Variants in RELN observed in about 807,000 individuals in gnomAD.
The protein encoded by RELN is reelin.
A neutral mutation model predicts 427.6 loss-of-function variants in RELN; 108 were observed. That is an observed-to-expected ratio of 0.25 (90% CI 0.22 to 0.30). RELN has a LOEUF of 0.30. RELN is among the 10% of genes least tolerant of loss of function. The pLI, the probability that RELN is intolerant of heterozygous loss-of-function variation, is 1.00. For synonymous variants in RELN, 1,524 were observed against 1,513.4 expected (o/e 1.01, Z -0.16); for missense variants, 3,715 against 4,302.8 (o/e 0.86, Z 3.82).
intron 3 of RELN, among the ~76,000 whole-genome samples, chr7:103,817,694 C>T (rs1005862889): frequency 3.9e-5 from 6 of 151,960 alleles, no homozygotes; most frequent in Admixed American, 3.9e-4. Flanking sequence ...TGCCTGTAAT[C>T]CCAGCACTTT....
In RELN at chr7:103,989,264, G is replaced by T; in HGVS notation, c.93C>A (p.Pro31=). ...ACAGGAAAAAGAAGGGCGAAAAGCG[G>T]GGGTAATAGCCAGCCGCCGCGCGCG... The part of the protein sequence containing the change: ...LRARAAAGYY[P]RFSPFFFLCT... The change falls in exon 1 of 65, where the codon CCC becomes CCA. Residue 31 remains proline (P), a synonymous_variant. Coordinates refer to ENST00000428762, the MANE Select transcript of RELN (RefSeq NM_005045.4). This position sits in a 1 kb window ranked among gnomAD's most constrained non-coding sequence, Gnocchi z 4.9. The T allele has an allele frequency of 6.2e-7, 1 of 1,613,802 alleles. No individual in the cohort carries two copies. The highest frequency in any genetic ancestry group is 8.5e-7 in the Non-Finnish European group (1 of 1,179,946).
chr7:103,562,042 C>A, intron 34 of RELN, 89 bp from the exon 35 acceptor site: 1 of 1,464,404 alleles, frequency 6.8e-7, no homozygotes, highest in South Asian at 1.2e-5. Flanking sequence ...TCCCTTTTCT[C>A]TTTAAAGTGC....
intron 3 of RELN, among the ~76,000 whole-genome samples, chr7:103,789,769 A>G (rs1005538155): frequency 2.0e-5 from 3 of 152,290 alleles, no homozygotes; most frequent in African/African-American, 7.2e-5. Flanking sequence ...GTAGAAGACA[A>G]TGTGGTGATT....
At chr7:103,813,017 T>C (rs1350922070) in intron 3 of RELN, among the ~76,000 whole-genome samples, 1 of 152,212 alleles carries the variant, frequency 6.6e-6, no homozygotes, top group Non-Finnish European at 1.5e-5. Flanking sequence ...TTATTCTTCA[T>C]CGGTTTTTTG....
At chr7:103,525,207 A>T (rs1457683569) in intron 46 of RELN, among the ~76,000 whole-genome samples, 1 of 152,126 alleles carries the variant, frequency 6.6e-6, no homozygotes, top group Non-Finnish European at 1.5e-5. Context: ...GTCCTCACAG[A>T]GAAATTTTCT....
chr7:103,912,579 T>G (rs181824147), intron 2 of RELN, among the ~76,000 whole-genome samples: 53 of 152,148 alleles, frequency 3.5e-4, no homozygotes, highest in African/African-American at 1.3e-3. Flanking sequence ...AGAGTTTAAG[T>G]AAAAAAGTGC....
intron 8 of RELN, among the ~76,000 whole-genome samples, chr7:103,709,493 A>C (rs1253360763): frequency 3.3e-5 from 5 of 152,234 alleles, no homozygotes; most frequent in East Asian, 1.9e-4. Flanking sequence ...CTCATGGTTC[A>C]TTGTTGTTAC....
Position 103,539,304 on chromosome 7 carries a change from A to G in RELN, c.6954T>C (p.Ser2318=), listed in dbSNP as rs757492543. ...AATCATCTTCCAAGACCGTATTACC[A>G]GAAATATTTCCTCCAATAAGAATCT... is the stretch of plus-strand genomic sequence containing the variant. ...IDQILIGGNI[S]GNTVLEDDFT... The change falls in exon 45 of 65, where the codon TCT becomes TCC. Residue 2318 remains serine, a synonymous_variant. Transcript: ENST00000428762. 4 of 1,614,160 alleles carry G rather than the reference A, an allele frequency of 2.5e-6. No homozygotes were observed. The highest frequency in any genetic ancestry group is 2.2e-5 in the East Asian group (1 of 44,894).
At chr7:103,589,499 G>A (rs934444468) in intron 28 of RELN, 97 bp downstream of exon 28, 20 of 804,702 alleles carry the variant, frequency 2.5e-5, no homozygotes, top group African/African-American at 6.8e-5. Flanking sequence ...TTGTATTTTC[G>A]GGGTTTTGAT....
chr7:103,760,764 C>T (rs1299789156), intron 4 of RELN, among the ~76,000 whole-genome samples: 1 of 152,132 alleles, frequency 6.6e-6, no homozygotes, highest in East Asian at 1.9e-4. Context: ...GTAGTTTTGC[C>T]TCAGGTATCT....
At position 103,724,107 on chromosome 7, in the gene RELN, G is replaced by A. The variant is rs80269240; in HGVS notation, c.754-916C>T. On this transcript the variant is annotated intron_variant, in intron 7 of 64. Transcript: ENST00000428762. ...TATAGGACATTTCAGTTACTCCACCGTATGCAATAGAAAGTGGATAAGTCT... is the reference window on the plus strand; with the variant it reads ...TATAGGACATTTCAGTTACTCCACCATATGCAATAGAAAGTGGATAAGTCT... 8.9e-3 allele frequency among the ~76,000 whole-genome samples: 1,352 copies of A among 152,026 alleles called. 26 individuals carry two copies. Among genetic ancestry groups the A allele is most frequent in the African/African-American group, 0.032 (1,309 of 41,468 alleles).
chr7:103,744,275 G>T (rs1790754754), intron 6 of RELN, among the ~76,000 whole-genome samples: 2 of 151,556 alleles, frequency 1.3e-5, no homozygotes, highest in Non-Finnish European at 2.9e-5. Flanking sequence ...TGTGTAGATG[G>T]AAATTTATAG....
intron 2 of RELN, among the ~76,000 whole-genome samples, chr7:103,882,481 A>ATT (rs1794629712): frequency 6.6e-6 from 1 of 151,940 alleles, no homozygotes; most frequent in Admixed American, 6.6e-5. Flanking sequence ...TTTTGTATTT[A>ATT]TCCTGTCCTT....
intron 10 of RELN, among the ~76,000 whole-genome samples, chr7:103,692,415 A>G (rs1833890839): frequency 6.6e-6 from 1 of 152,108 alleles, no homozygotes; most frequent in African/African-American, 2.4e-5. Context: ...ATGCCAGCTC[A>G]CAATAATACC....
intron 28 of RELN, among the ~76,000 whole-genome samples, chr7:103,587,206 A>G (rs1339845696): frequency 6.6e-6 from 1 of 152,192 alleles, no homozygotes; most frequent in East Asian, 1.9e-4. Flanking sequence ...AACAGAATAG[A>G]TAATCCAGAA....
At chr7:103,764,011 T>A (rs552137260) in intron 4 of RELN, among the ~76,000 whole-genome samples, 15 of 152,150 alleles carry the variant, frequency 9.9e-5, no homozygotes, top group African/African-American at 3.4e-4. Flanking sequence ...AGCAAAGAAA[T>A]GTGTTACCTA....
chr7:103,862,409 T>TTCGTTCTATCTA lies in RELN; in HGVS notation c.338-28738_338-28737insTAGATAGAACGA, dbSNP rs57691471. The stretch of plus-strand genomic sequence containing the variant: ...CTAGTCTCTTCCATTTATGCTTTTG[T>TTCGTTCTATCTA]TCTATCTATCTATCTATCTATCTAT... On this transcript the variant is annotated intron_variant, in intron 2 of 64. Transcript: ENST00000428762. Among the ~76,000 whole-genome samples the TTCGTTCTATCTA allele has an allele frequency of 4.7e-3, 679 of 144,830 alleles. 7 individuals carry two copies. The highest frequency in any genetic ancestry group is 0.022 in the East Asian group (105 of 4,822).
At chr7:103,503,943 C>T (rs1330307148) in intron 51 of RELN, among the ~76,000 whole-genome samples, 11 of 149,946 alleles carry the variant, frequency 7.3e-5, no homozygotes, top group Non-Finnish European at 1.5e-4. Flanking sequence ...CCATGGCTCA[C>T]GCCTGTAATC....
intron 27 of RELN, among the ~76,000 whole-genome samples, chr7:103,593,000 T>G (rs1455083352): frequency 6.6e-6 from 1 of 152,208 alleles, no homozygotes; most frequent in Non-Finnish European, 1.5e-5. Context: ...CTTTAATAAT[T>G]CCATTTGTAA....
Sources: gnomAD v4.1 joint callset for allele counts (sites outside exome capture counted in the v4.1 genomes callset) on GRCh38, gnomAD v4.1.1 for gene constraint, Gnocchi (gnomAD v3.1) non-coding constraint, MANE v1.5 for transcripts, NCBI Gene and HGNC (gene_info 2026-07-23, HGNC 2026-07-21) for gene names.